The following TNS1 variants were observed in gnomAD, a reference collection of about 807,000 sequenced individuals.
The protein encoded by TNS1 is tensin-1.
In TNS1, 62 loss-of-function variants were observed where a neutral mutation model predicts 168.6. The observed-to-expected ratio is 0.37, with a 90% CI of 0.30 to 0.45. The LOEUF (loss-of-function observed/expected upper bound fraction) is 0.45, where lower values mean the gene tolerates loss of function less well. TNS1 is among the 20% of genes least tolerant of loss of function. The pLI is 1.00. For synonymous variants in TNS1, 934 were observed against 933.2 expected (o/e 1.00, Z -0.02); for missense variants, 2,240 against 2,339.4 (o/e 0.96, Z 0.88).
chr2:217,910,981 GC>G lies in TNS1; in HGVS notation c.229-3731del, dbSNP rs200289002. Reference sequence around the variant, plus strand: ...TCACTGCCCTCACCCTTGGCCCCCAGCCATCCTGCTGGCAGGGTGAGCTGGT... The same window carrying G: ...TCACTGCCCTCACCCTTGGCCCCCAGCATCCTGCTGGCAGGGTGAGCTGGT... On this transcript the variant is annotated intron_variant, in intron 4 of 32. Transcript: ENST00000682258. Among the ~76,000 whole-genome samples, 722 of 152,212 alleles carry G rather than the reference GC, an allele frequency of 4.7e-3. 6 individuals are homozygous for G. Among genetic ancestry groups the G allele is most frequent in the African/African-American group, 0.016 (678 of 41,554 alleles).
chr2:217,847,844 A>G lies in TNS1; in HGVS notation c.2673T>C (p.Tyr891=). 1.3e-6 allele frequency: 2 copies of G among 1,589,636 alleles called. No homozygotes were observed. Among genetic ancestry groups the G allele is most frequent in the Non-Finnish European group, 1.7e-6 (2 of 1,160,126 alleles). Residue 891 remains tyrosine, a synonymous_variant, in exon 19 of 33, where the codon TAT becomes TAC. Coordinates refer to ENST00000682258, the MANE Select transcript of TNS1 (RefSeq NM_001387777.1). ...SHPLTQSRSG[Y]IPSGHSLGTP... ...TTCCCAACGAATGCCCACTGGGGAT[A>G]TAGCCAGATCTGGACTGGGTCAGTG... is the stretch of plus-strand genomic sequence containing the variant.
At chr2:217,988,248 C>G (rs1179894765) in intron 2 of TNS1, among the ~76,000 whole-genome samples, 1 of 152,214 alleles carries the variant, frequency 6.6e-6, no homozygotes, top group African/African-American at 2.4e-5. Flanking sequence ...ACCAGCAGGG[C>G]CAGGCTGAGA....
At chr2:217,818,823 A>AGGCT (rs1942363145) in intron 23 of TNS1, 64 bp from the exon 24 acceptor site, 4 of 1,369,764 alleles carry the variant, frequency 2.9e-6, no homozygotes, top group African/African-American at 1.4e-5. Context: ...GATTTACAGC[A>AGGCT]GGCTGTCTGC....
chr2:217,879,157 C>T (rs991040020), intron 18 of TNS1: 7 of 269,926 alleles, frequency 2.6e-5, no homozygotes, highest in African/African-American at 4.7e-5. Context: ...TCCTAAGCCC[C>T]GTCTTTCCCA....
chr2:217,960,860 G>C (rs903785239), intron 3 of TNS1, among the ~76,000 whole-genome samples: 1 of 152,052 alleles, frequency 6.6e-6, no homozygotes, highest in Admixed American at 6.6e-5. Flanking sequence ...AAAGCACCTG[G>C]TTACCCTCAG....
intron 1 of TNS1, among the ~76,000 whole-genome samples, chr2:217,994,719 A>G (rs921885805): frequency 6.6e-6 from 1 of 152,216 alleles, no homozygotes; most frequent in Non-Finnish European, 1.5e-5. Context: ...CCCAGCCCCA[A>G]GAAATCTGAG....
At chr2:217,906,273 C>T (rs1340783973) in intron 6 of TNS1, 62 bp downstream of exon 6, 7 of 655,916 alleles carry the variant, frequency 1.1e-5, no homozygotes, top group Non-Finnish European at 1.7e-5. Flanking sequence ...CCTCCCACCC[C>T]ACCCCATTCC....
chr2:217,850,871 T>C (rs574524676), intron 18 of TNS1, among the ~76,000 whole-genome samples: 1 of 152,018 alleles, frequency 6.6e-6, no homozygotes, highest in Non-Finnish European at 1.5e-5. Flanking sequence ...CCAACAACAG[T>C]GACCACCGTG....
In TNS1 at chr2:217,810,174, C is replaced by T. The variant is rs1445128180; in HGVS notation, c.5104+74G>A. 3.9e-6 allele frequency: 6 copies of T among 1,549,556 alleles called. No homozygotes were observed. The East Asian group carries it at 6.7e-5, about 17-fold the overall frequency. On this transcript the variant is annotated intron_variant, in intron 29 of 32. Transcript: ENST00000682258. ...GGCCTGGAGAGACCTCCAGCCTGCA[C>T]GTGCAGGAGGGGTCAGGGCAGGAAG...
intron 3 of TNS1, among the ~76,000 whole-genome samples, chr2:217,921,211 A>G (rs1008075014): frequency 2.6e-5 from 4 of 152,176 alleles, no homozygotes; most frequent in African/African-American, 9.7e-5. Context: ...TCAGTCCTCA[A>G]CCTTGGCTCC....
intron 18 of TNS1, among the ~76,000 whole-genome samples, chr2:217,878,027 T>C (rs1950342361): frequency 2.0e-5 from 3 of 152,192 alleles, no homozygotes; most frequent in African/African-American, 4.8e-5. Flanking sequence ...CCAGGTCACC[T>C]TGGACACCCT....
intron 3 of TNS1, among the ~76,000 whole-genome samples, chr2:217,931,755 G>A (rs975114894): frequency 3.3e-5 from 5 of 152,164 alleles, no homozygotes; most frequent in African/African-American, 1.2e-4. Flanking sequence ...AGGAGGGAAG[G>A]CTACTTGAAT....
intron 6 of TNS1, among the ~76,000 whole-genome samples, chr2:217,904,109 A>G (rs1161646857): frequency 6.6e-6 from 1 of 152,122 alleles, no homozygotes; most frequent in African/African-American, 2.4e-5. Context: ...GCCCGGCCCC[A>G]TTCCTACATC....
In TNS1 at chr2:217,995,457, TAAC is replaced by T. The variant is rs1958451965; in HGVS notation, c.34-4404_34-4402del. Among the ~76,000 whole-genome samples the T allele has an allele frequency of 6.6e-6, 1 of 151,838 alleles. No homozygotes were observed. The highest frequency in any genetic ancestry group is 1.5e-5 in the Non-Finnish European group (1 of 67,954). On this transcript the variant is annotated intron_variant, in intron 1 of 32. Coordinates refer to ENST00000682258, the MANE Select transcript of TNS1 (RefSeq NM_001387777.1). The surrounding 1 kb of genome is among the most constrained non-coding windows in gnomAD (Gnocchi z 4.1). ...AGACTCAGTGGGGAAAAAAAAAACTTAACAATCAGATGCAAAAATATGGGCTAA... is the reference window on the plus strand; with the variant it reads ...AGACTCAGTGGGGAAAAAAAAAACTTAATCAGATGCAAAAATATGGGCTAA...
intron 1 of TNS1, among the ~76,000 whole-genome samples, chr2:218,009,499 C>G (rs947782135): frequency 1.8e-4 from 28 of 152,084 alleles, no homozygotes; most frequent in African/African-American, 5.6e-4. Flanking sequence ...GCAGGTTCCC[C>G]AGACCCCTGC....
At chr2:217,925,141 A>C (rs1955948433) in intron 3 of TNS1, among the ~76,000 whole-genome samples, 1 of 152,206 alleles carries the variant, frequency 6.6e-6, no homozygotes, top group Non-Finnish European at 1.5e-5. Flanking sequence ...TTATTGTGTA[A>C]AATGGCCTAT....
At position 217,803,406 on chromosome 2, in the gene TNS1, G is replaced by A. The variant is rs1937785822; in HGVS notation, c.*1053C>T. 6.6e-6 allele frequency: 1 copy of A among 152,348 alleles called. No homozygotes were observed. Among genetic ancestry groups the A allele is most frequent in the African/African-American group, 2.4e-5 (1 of 41,452 alleles). 9.4% of individuals were successfully genotyped at this position (152,348 alleles called of 1,614,324 possible). On this transcript the variant is annotated 3_prime_UTR_variant, in exon 33 of 33. Transcript: ENST00000682258. ...ACCCAATAACAAGGCTGAGAGGTGGGAGCTAAGGCAGAGTCCAGGGCCCCA... is the reference window on the plus strand; with the variant it reads ...ACCCAATAACAAGGCTGAGAGGTGGAAGCTAAGGCAGAGTCCAGGGCCCCA...
At position 217,831,407 on chromosome 2, in the gene TNS1, T is replaced by C. The variant is rs554129956; in HGVS notation, c.3373+48A>G. On this transcript the variant is annotated intron_variant, in intron 22 of 32. Transcript: ENST00000682258. Reference sequence around the variant, plus strand: ...GGGTTTCTGTCCAGAACCACAGGAGTCCTCCTCCCCCTGGCCCCCCTCCCC... The same window carrying C: ...GGGTTTCTGTCCAGAACCACAGGAGCCCTCCTCCCCCTGGCCCCCCTCCCC... The C allele has an allele frequency of 3.4e-6, 5 of 1,478,660 alleles. No individual in the cohort carries two copies. In the African/African-American group the frequency reaches 7.1e-5, roughly 21 times the overall value. The allele number at this position is 1,478,660 out of a possible 1,614,324, so 91.6% of individuals were successfully genotyped here.
intron 20 of TNS1, 149 bp from the exon 21 acceptor site, chr2:217,835,315 C>T: frequency 7.5e-6 from 5 of 668,638 alleles, no homozygotes; most frequent in Non-Finnish European, 9.9e-6. Flanking sequence ...GGGCAGGAGA[C>T]AGGTCCTGCC....
Sources: gnomAD v4.1 joint callset for allele counts (sites outside exome capture counted in the v4.1 genomes callset) on GRCh38, gnomAD v4.1.1 for gene constraint, Gnocchi (gnomAD v3.1) non-coding constraint, MANE v1.5 for transcripts, NCBI Gene and HGNC (gene_info 2026-07-23, HGNC 2026-07-21) for gene names.